RBM24: variants seen among roughly 807,000 people sequenced by gnomAD.
RBM24 encodes the protein RNA-binding protein 24.
RBM24 carries 5 observed loss-of-function variants against 23.6 expected under a neutral mutation model. The ratio of observed to expected loss-of-function variants is 0.21; its 90% confidence interval spans 0.11 to 0.45. The LOEUF is 0.45. Among genes scored for constraint, RBM24 ranks in the 20% least tolerant of loss-of-function variants. The probability of loss-of-function intolerance (pLI) is 0.99; values close to 1 mark genes in which losing one functional copy is unlikely to be tolerated. For missense variants in RBM24, 252 were observed against 314.6 expected (o/e 0.80, Z 1.51); for synonymous variants, 151 against 129.5 (o/e 1.17, Z -1.13).
chr6:17,282,974 A>C (rs748991837), intron 2 of RBM24, 46 bp downstream of exon 2: 3 of 1,354,018 alleles, frequency 2.2e-6, no homozygotes, highest in Admixed American at 1.7e-5. Context: ...AGAACCCCCC[A>C]TTTATGGGTG....
chr6:17,291,941 A>G lies in RBM24; in HGVS notation c.533A>G (p.Tyr178Cys), dbSNP rs762494057. 23 of 1,612,464 alleles carry G rather than the reference A, an allele frequency of 1.4e-5. No individual in the cohort carries two copies. Among genetic ancestry groups the G allele is most frequent in the East Asian group, 1.1e-4 (5 of 44,856 alleles). Reference sequence around the variant, plus strand: ...GCTGCTGCCTATGACCAGTACCCCTATGCAGCCTCTCCAGCTGCTGCAGGA... The same window carrying G: ...GCTGCTGCCTATGACCAGTACCCCTGTGCAGCCTCTCCAGCTGCTGCAGGA... The part of the protein sequence containing the change: ...AAAAAYDQYP[Y>C]AASPAAAGYV... Residue 178 changes from tyrosine to cysteine, a missense_variant, in exon 4 of 4, where the codon TAT becomes TGT. Tyr to Cys is a radical substitution (Grantham distance 194, BLOSUM62 -2). Transcript: ENST00000379052.
chr6:17,287,788 G>A (rs991031892), intron 3 of RBM24, among the ~76,000 whole-genome samples: 9 of 151,442 alleles, frequency 5.9e-5, no homozygotes, highest in African/African-American at 1.9e-4. Flanking sequence ...CAGCCTGGGC[G>A]ACAGAGCGAG....
intron 1 of RBM24, chr6:17,282,536 C>T (rs1206733880): frequency 9.4e-6 from 5 of 531,922 alleles, no homozygotes; most frequent in South Asian, 4.0e-5. Flanking sequence ...CTACTAACAC[C>T]CTTAAGATTT....
Position 17,291,823 on chromosome 6 carries a change from C to CCGA in RBM24, c.417_419dup (p.Thr140dup), listed in dbSNP as rs771195096. ...GGGAGTGGTCATTCCACACGTCCAG[C>CCGA]CGACAGCAGCTGCCGCCTCCACCAC... On this transcript the variant is annotated inframe_insertion, in exon 4 of 4. Coordinates refer to ENST00000379052, the MANE Select transcript of RBM24 (RefSeq NM_001143942.2). The CCGA allele has an allele frequency of 6.8e-6, 11 of 1,613,998 alleles. No homozygotes were observed. Among genetic ancestry groups the CCGA allele is most frequent in the Admixed American group, 1.7e-5 (1 of 59,994 alleles).
intron 2 of RBM24, 173 bp downstream of exon 2, chr6:17,283,101 C>A: frequency 1.8e-6 from 1 of 565,366 alleles, no homozygotes. Context: ...GTAAATACTC[C>A]TCTCAAGGCT....
At chr6:17,282,413 T>C (rs2113393199) in intron 1 of RBM24, 1 of 547,354 alleles carries the variant, frequency 1.8e-6, no homozygotes, top group Non-Finnish European at 3.2e-6. Flanking sequence ...GGCTGGACTT[T>C]CTTTAAAGCA....
intron 1 of RBM24, 104 bp from the exon 2 acceptor site, chr6:17,282,701 G>T: frequency 7.2e-7 from 1 of 1,386,168 alleles, no homozygotes; most frequent in Non-Finnish European, 9.6e-7. Context: ...AAAAAAGTTT[G>T]ATCTCAGTTT....
At chr6:17,282,242 C>T (rs1760044537) in intron 1 of RBM24, 6 of 1,290,762 alleles carry the variant, frequency 4.6e-6, no homozygotes, top group African/African-American at 1.5e-5. Flanking sequence ...AAATCATGAT[C>T]CTAGGGCTCT....
chr6:17,287,634 C>T (rs540154152), intron 3 of RBM24, among the ~76,000 whole-genome samples: 1 of 152,050 alleles, frequency 6.6e-6, no homozygotes, highest in South Asian at 2.1e-4. Flanking sequence ...CACAGTGAAA[C>T]CCCATCTCTA....
At chr6:17,290,826 C>T in intron 3 of RBM24, 3 of 1,287,610 alleles carry the variant, frequency 2.3e-6, no homozygotes, top group Non-Finnish European at 3.0e-6. Context: ...TTCCCCAAAA[C>T]CCCTTCTGTC....
intron 3 of RBM24, chr6:17,290,972 CT>C: frequency 4.4e-6 from 4 of 899,500 alleles, no homozygotes; most frequent in Non-Finnish European, 4.7e-6. Context: ...TGCTGCACAT[CT>C]CTTTGGGAAT....
intron 2 of RBM24, 177 bp downstream of exon 2, chr6:17,283,105 CA>C (rs756351137): frequency 3.4e-5 from 19 of 563,568 alleles, no homozygotes; most frequent in Non-Finnish European, 5.1e-5. Context: ...ATACTCCTCT[CA>C]AGGCTTGAAA....
chr6:17,281,927 C>T lies in RBM24; in HGVS notation c.168+178C>T, dbSNP rs1760029099. The stretch of plus-strand genomic sequence containing the variant: ...GCTAGGGGAGAGGGTCGGCGCCAGC[C>T]TCGCGGGGTTCGGAGAAGACCCAGC... On this transcript the variant is annotated intron_variant, in intron 1 of 3. Transcript: ENST00000379052. This position sits in a 1 kb window ranked among gnomAD's most constrained non-coding sequence, Gnocchi z 7.1. The T allele has an allele frequency of 7.5e-7, 1 of 1,339,116 alleles. No homozygotes were observed. Among genetic ancestry groups the T allele is most frequent in the Admixed American group, 2.8e-5 (1 of 35,174 alleles). The allele number at this position is 1,339,116 out of a possible 1,614,324, so 83.0% of individuals were successfully genotyped here. A position where few individuals can be genotyped will look rare whatever the true frequency, so the allele number is the denominator to read the frequency against.
Position 17,284,724 on chromosome 6 carries a change from A to C in RBM24, c.347+13A>C. On this transcript the variant is annotated intron_variant, in intron 3 of 3. Transcript: ENST00000379052. ...AAAGACCTTTCGGGTAAGTTGATTA[A>C]TCAGGCTTTCTTAAGTTTCAGTATG... is the stretch of plus-strand genomic sequence containing the variant. 6.2e-7 allele frequency: 1 copy of C among 1,606,712 alleles called. No individual in the cohort carries two copies. Among genetic ancestry groups the C allele is most frequent in the Non-Finnish European group, 8.5e-7 (1 of 1,175,482 alleles).
Position 17,293,441 on chromosome 6 carries a change from T to G in RBM24, c.*1322T>G, listed in dbSNP as rs573236844. The G allele has an allele frequency of 2.0e-5, 3 of 152,724 alleles. No individual in the cohort carries two copies. In the South Asian group the frequency reaches 6.2e-4, roughly 32 times the overall value. 9.5% of individuals were successfully genotyped at this position (152,724 alleles called of 1,614,324 possible). A position where few individuals can be genotyped will look rare whatever the true frequency, so the allele number is the denominator to read the frequency against. ...GTACTCTTACATTAACACATTTTAG[T>G]TTAGTTTTTAGATTTTTTTTTAAAC... On this transcript the variant is annotated 3_prime_UTR_variant, in exon 4 of 4. Transcript: ENST00000379052.
chr6:17,282,031 C>T (rs948496085), intron 1 of RBM24: 22 of 1,298,274 alleles, frequency 1.7e-5, no homozygotes, highest in Admixed American at 9.9e-5. Flanking sequence ...ATTTGGGGTG[C>T]GGAGGGTTGC....
chr6:17,284,760 G>T, intron 3 of RBM24, 49 bp downstream of exon 3: 1 of 1,396,896 alleles, frequency 7.2e-7, no homozygotes. Context: ...ACTATCATTT[G>T]TTAACGTGCC....
chr6:17,281,917 C>A lies in RBM24; in HGVS notation c.168+168C>A. On this transcript the variant is annotated intron_variant, in intron 1 of 3. Transcript: ENST00000379052. The surrounding 1 kb of genome is among the most constrained non-coding windows in gnomAD (Gnocchi z 7.1). Reference sequence around the variant, plus strand: ...CTGAAACTTTGCTAGGGGAGAGGGTCGGCGCCAGCCTCGCGGGGTTCGGAG... The same window carrying A: ...CTGAAACTTTGCTAGGGGAGAGGGTAGGCGCCAGCCTCGCGGGGTTCGGAG... 1 of 1,319,988 alleles carries A rather than the reference C, an allele frequency of 7.6e-7. No individual in the cohort carries two copies. The highest frequency in any genetic ancestry group is 1.0e-6 in the Non-Finnish European group (1 of 981,418). 81.8% of individuals were successfully genotyped at this position (1,319,988 alleles called of 1,614,324 possible).
At chr6:17,286,184 A>G (rs1448540213) in intron 3 of RBM24, among the ~76,000 whole-genome samples, 2 of 116,768 alleles carry the variant, frequency 1.7e-5, no homozygotes, top group South Asian at 2.8e-4. Flanking sequence ...GCCAACTACT[A>G]CTATTTTTTT....
Sources: allele counts gnomAD v4.1 joint callset (sites outside exome capture counted in the v4.1 genomes callset), GRCh38; gene constraint gnomAD v4.1.1; non-coding constraint Gnocchi (gnomAD v3.1); transcripts MANE v1.5; gene names NCBI Gene and HGNC (gene_info 2026-07-23, HGNC 2026-07-21).